Variants in CCDC32 observed in about 807,000 individuals in gnomAD.
CCDC32 encodes the protein coiled-coil domain-containing protein 32.
In CCDC32, 9 loss-of-function variants were observed where a neutral mutation model predicts 20.1. The observed-to-expected ratio is 0.45, with a 90% confidence interval of 0.27 to 0.78. CCDC32 has a LOEUF of 0.78. Ranked by LOEUF, CCDC32 falls within the 30% of genes least tolerant of loss-of-function variation. The pLI, the probability that CCDC32 is intolerant of heterozygous loss-of-function variation, is 0.16. For missense variants in CCDC32, 204 were observed against 215.5 expected (o/e 0.95, Z 0.33); for synonymous variants, 63 against 79.0 (o/e 0.80, Z 1.07).
chr15:40,534,669 G>A (rs1024010092), downstream of CCDC32: 11 of 517,962 alleles, frequency 2.1e-5, no homozygotes, highest in African/African-American at 1.7e-4. Flanking sequence ...ATCACCAACT[G>A]TCTACTTCTC....
At chr15:40,554,612 T>TG (rs1443351035) in intron 3 of CCDC32, among the ~76,000 whole-genome samples, 1 of 152,142 alleles carries the variant, frequency 6.6e-6, no homozygotes, top group East Asian at 1.9e-4. Context: ...GATTTTTTTT[T>TG]TGTGTGGGGT....
chr15:40,522,052 A>G, the CCDC32 span, among the ~76,000 whole-genome samples: 3 of 152,036 alleles, frequency 2.0e-5, no homozygotes, highest in African/African-American at 7.3e-5. Flanking sequence ...TTTTCTTCCT[A>G]TATTTCTTCT....
intron 2 of CCDC32, among the ~76,000 whole-genome samples, chr15:40,561,339 G>C (rs989531599): frequency 4.6e-5 from 7 of 152,130 alleles, no homozygotes; most frequent in African/African-American, 1.7e-4. Flanking sequence ...CAGGCGTGGT[G>C]GTGGGCGACT....
intron 2 of CCDC32, chr15:40,558,098 AT>A (rs1292387041): frequency 6.6e-6 from 1 of 152,208 alleles, no homozygotes; most frequent in African/African-American, 2.4e-5. Flanking sequence ...TGTTTAACAG[AT>A]TTCCCCTTTC....
chr15:40,553,501 G>A lies in CCDC32; in HGVS notation c.*470C>T. The stretch of plus-strand genomic sequence containing the variant: ...CAAGGAGCAGACTTCACTCTTACTG[G>A]CCCCACTCACGTGACAATTCACCAA... On this transcript the variant is annotated 3_prime_UTR_variant, in exon 4 of 4. Transcript: ENST00000416810. 1.0e-6 allele frequency: 1 copy of A among 987,094 alleles called. No homozygotes were observed. Among genetic ancestry groups the A allele is most frequent in the South Asian group, 4.7e-5 (1 of 21,380 alleles). The allele number at this position is 987,094 out of a possible 1,614,324, so 61.1% of individuals were successfully genotyped here. A position where few individuals can be genotyped will look rare whatever the true frequency, so the allele number is the denominator to read the frequency against.
chr15:40,559,806 C>T (rs1890497202), intron 2 of CCDC32, among the ~76,000 whole-genome samples: 1 of 152,082 alleles, frequency 6.6e-6, no homozygotes, highest in Non-Finnish European at 1.5e-5. Flanking sequence ...AGCTGATCTT[C>T]GACAAAGCAT....
Position 40,553,941 on chromosome 15 carries a change from TG to T in CCDC32, c.*29del. The stretch of plus-strand genomic sequence containing the variant: ...GTGTGTGTGTGTGTGTGTGTGTGTG[TG>T]TGTGTGTGTGTGTGTGTGTGTGTGT... On this transcript the variant is annotated 3_prime_UTR_variant, in exon 4 of 4. Transcript: ENST00000416810. The T allele has an allele frequency of 3.6e-6, 2 of 550,590 alleles. No homozygotes were observed. The highest frequency in any genetic ancestry group is 5.9e-6 in the Non-Finnish European group (2 of 341,128). 34.1% of individuals were successfully genotyped at this position (550,590 alleles called of 1,614,324 possible). A position where few individuals can be genotyped will look rare whatever the true frequency, so the allele number is the denominator to read the frequency against.
chr15:40,546,663 T>G (rs1256501300), intron 3 of CCDC32, among the ~76,000 whole-genome samples: 1 of 151,934 alleles, frequency 6.6e-6, no homozygotes, highest in African/African-American at 2.4e-5. Context: ...CATCTTCTGA[T>G]AATGGATTGG....
downstream of CCDC32, chr15:40,536,851 A>G (rs1889134282): frequency 6.6e-6 from 1 of 152,288 alleles, no homozygotes; most frequent in South Asian, 2.1e-4. Context: ...GACTGCTACG[A>G]TGGTGATGAG....
At chr15:40,556,499 A>C (rs1890244832) in intron 3 of CCDC32, 2 of 152,236 alleles carry the variant, frequency 1.3e-5, no homozygotes, top group Admixed American at 1.3e-4. Flanking sequence ...AAATTCATTA[A>C]TTTAGTCTGC....
chr15:40,528,843 C>T, intron 3 of CCDC32: 1 of 684,766 alleles, frequency 1.5e-6, no homozygotes, highest in Non-Finnish European at 2.6e-6. Flanking sequence ...CTCAACAGTC[C>T]TCTTTGCATA....
At position 40,563,804 on chromosome 15, in the gene CCDC32, G is replaced by GT. The variant is rs1159374532; in HGVS notation, c.-12-778dup. 3.2e-3 allele frequency among the ~76,000 whole-genome samples: 457 copies of GT among 144,638 alleles called. 1 individual carries two copies. The highest frequency in any genetic ancestry group is 6.5e-3 in the African/African-American group (257 of 39,544). 94.9% of individuals were successfully genotyped at this position (144,638 alleles called of 152,430 possible). A position where few individuals can be genotyped will look rare whatever the true frequency, so the allele number is the denominator to read the frequency against. On this transcript the variant is annotated intron_variant, in intron 1 of 3. Coordinates refer to ENST00000416810, the MANE Select transcript of CCDC32 (RefSeq NM_001080792.4). ...TTCTATCTCCAGTCAATTAAATTCT[G>GT]TTTTTTTTTCTTTCTTTCTTTCTTT...
intron 3 of CCDC32, among the ~76,000 whole-genome samples, chr15:40,546,876 T>A (rs1408566079): frequency 6.6e-6 from 1 of 151,910 alleles, no homozygotes; most frequent in African/African-American, 2.4e-5. Flanking sequence ...CTAATTTTTG[T>A]ATTTTTAGTA....
chr15:40,552,771 CAAAAAAAAAAAAAAAAA>C (rs10675441), downstream of CCDC32: 1 of 68,778 alleles, frequency 1.5e-5, no homozygotes, highest in Non-Finnish European at 2.8e-5. Flanking sequence ...AGTGCGACCT[CAAAAAAAAAAAAAAAAA>C]AAAAAAAAAA....
downstream of CCDC32, chr15:40,532,342 G>T (rs1371740316): frequency 7.1e-6 from 5 of 701,356 alleles, no homozygotes; most frequent in Non-Finnish European, 1.3e-5. Flanking sequence ...CAAACATAAG[G>T]CTCCATTTTG....
At chr15:40,560,578 G>A (rs913008932) in intron 2 of CCDC32, among the ~76,000 whole-genome samples, 6 of 152,062 alleles carry the variant, frequency 3.9e-5, no homozygotes, top group African/African-American at 1.4e-4. Context: ...TTTCTCAATG[G>A]GATTTGAGAA....
chr15:40,538,246 A>T (rs1179029070), downstream of CCDC32: 2 of 152,204 alleles, frequency 1.3e-5, no homozygotes, highest in African/African-American at 4.8e-5. Context: ...TTCAGTAAAT[A>T]AGAAGACCAC....
At chr15:40,561,702 T>C (rs1890647623) in intron 2 of CCDC32, among the ~76,000 whole-genome samples, 1 of 150,878 alleles carries the variant, frequency 6.6e-6, no homozygotes, top group African/African-American at 2.4e-5. Context: ...GCTATTGAAA[T>C]AAAAAAATTA....
chr15:40,557,034 A>T (rs1011512285), intron 3 of CCDC32, 182 bp downstream of exon 3: 2 of 584,806 alleles, frequency 3.4e-6, no homozygotes. Context: ...AGTTCATTGC[A>T]TACTTAAAAA....
Sources: allele counts gnomAD v4.1 joint callset (sites outside exome capture counted in the v4.1 genomes callset), GRCh38; gene constraint gnomAD v4.1.1; transcripts MANE v1.5; gene names NCBI Gene and HGNC (gene_info 2026-07-23, HGNC 2026-07-21).